The following NRG1 variants were observed in gnomAD, a reference collection of about 807,000 sequenced individuals.
NRG1 encodes the protein pro-neuregulin-1, membrane-bound isoform.
In NRG1, 18 loss-of-function variants were observed where a neutral mutation model predicts 63.8. The observed-to-expected ratio is 0.28, with a 90% confidence interval of 0.19 to 0.42. The LOEUF (loss-of-function observed/expected upper bound fraction) is 0.42. Among genes scored for constraint, NRG1 ranks in the 10% least tolerant of loss-of-function variants. The pLI, the probability that NRG1 is intolerant of heterozygous loss-of-function variation, is 1.00. For synonymous variants in NRG1, 302 were observed against 301.3 expected (o/e 1.00, Z -0.02); for missense variants, 762 against 814.7 (o/e 0.94, Z 0.79).
intron 1 of NRG1, among the ~76,000 whole-genome samples, chr8:32,291,004 T>C (rs932344675): frequency 6.6e-6 from 1 of 151,962 alleles, no homozygotes; most frequent in African/African-American, 2.4e-5. Context: ...AATGGTGTAG[T>C]TCCCGTATGA....
At chr8:32,396,187 A>AT (rs966954983) in intron 1 of NRG1, among the ~76,000 whole-genome samples, 38 of 151,812 alleles carry the variant, frequency 2.5e-4, no homozygotes, top group Non-Finnish European at 2.9e-4. Context: ...CTTTTTAGAC[A>AT]TTTTTTTTGG....
chr8:32,656,156 A>G (rs1295864047), intron 5 of NRG1, among the ~76,000 whole-genome samples: 1 of 152,152 alleles, frequency 6.6e-6, no homozygotes, highest in Non-Finnish European at 1.5e-5. Context: ...ATACATACAT[A>G]TAATTCATAC....
At chr8:32,132,096 A>G (rs1834903012) in intron 1 of NRG1, among the ~76,000 whole-genome samples, 1 of 152,068 alleles carries the variant, frequency 6.6e-6, no homozygotes, top group Non-Finnish European at 1.5e-5. Flanking sequence ...TAACAGGTCA[A>G]GGATTGCTTA....
chr8:32,502,260 C>A (rs1400621030), intron 1 of NRG1, among the ~76,000 whole-genome samples: 1 of 151,344 alleles, frequency 6.6e-6, no homozygotes, highest in Admixed American at 6.6e-5. Flanking sequence ...AGGTGCCACA[C>A]AATTTTAAAT....
chr8:32,417,614 C>T (rs1439857900), intron 1 of NRG1, among the ~76,000 whole-genome samples: 1 of 151,786 alleles, frequency 6.6e-6, no homozygotes, highest in Non-Finnish European at 1.5e-5. Context: ...ATACACTTCC[C>T]ACACACATCT....
At chr8:31,695,926 C>T (rs543005674) in intron 1 of NRG1, among the ~76,000 whole-genome samples, 10 of 152,270 alleles carry the variant, frequency 6.6e-5, no homozygotes, top group African/African-American at 2.2e-4. Flanking sequence ...AATTTATAGT[C>T]AGCATTTATC....
At chr8:32,011,216 T>C (rs1304852739) in intron 1 of NRG1, among the ~76,000 whole-genome samples, 4 of 152,084 alleles carry the variant, frequency 2.6e-5, no homozygotes, top group Non-Finnish European at 5.9e-5. Context: ...ACTTGTTTTC[T>C]TTTGCATATT....
At chr8:32,232,227 T>C (rs548134480) in intron 1 of NRG1, among the ~76,000 whole-genome samples, 2 of 152,192 alleles carry the variant, frequency 1.3e-5, no homozygotes, top group South Asian at 4.1e-4. Context: ...TTCAAAAACT[T>C]GATGATTCAA....
At chr8:32,466,347 T>C (rs544259539) in intron 1 of NRG1, among the ~76,000 whole-genome samples, 1 of 140,260 alleles carries the variant, frequency 7.1e-6, no homozygotes, top group African/African-American at 2.6e-5. Flanking sequence ...ATTTCACTGA[T>C]GACAATAAAT....
At chr8:31,718,796 T>A (rs763953034) in intron 1 of NRG1, among the ~76,000 whole-genome samples, 2 of 152,192 alleles carry the variant, frequency 1.3e-5, no homozygotes, top group African/African-American at 2.4e-5. Context: ...AGGAAAAATA[T>A]TTCTGCAATG....
intron 6 of NRG1, among the ~76,000 whole-genome samples, chr8:32,729,843 G>A (rs893720093): frequency 6.6e-6 from 1 of 152,176 alleles, no homozygotes; most frequent in African/African-American, 2.4e-5. Context: ...GGGCGTGTCT[G>A]TAGCGTGCCT....
rs185621122 is a variant in NRG1 at position 32,745,779 on chromosome 8, C to T, written c.691+3046C>T. Among the ~76,000 whole-genome samples the T allele has an allele frequency of 1.0e-3, 156 of 152,082 alleles. 1 individual carries two copies. The highest frequency in any genetic ancestry group is 3.3e-3 in the Admixed American group (51 of 15,246). Reference sequence around the variant, plus strand: ...GAGGAAAAAAGAAAAAGCACCCACACTTTCAATAGTTAGGGGCAGTACAGA... The same window carrying T: ...GAGGAAAAAAGAAAAAGCACCCACATTTTCAATAGTTAGGGGCAGTACAGA... On this transcript the variant is annotated intron_variant, in intron 7 of 11. Transcript: ENST00000356819.
intron 1 of NRG1, among the ~76,000 whole-genome samples, chr8:32,176,796 T>A (rs1345285142): frequency 6.6e-6 from 1 of 152,080 alleles, no homozygotes; most frequent in Non-Finnish European, 1.5e-5. Flanking sequence ...TCACACCAGT[T>A]AGAATGGCAA....
chr8:31,705,315 G>T (rs1186904401), intron 1 of NRG1, among the ~76,000 whole-genome samples: 1 of 152,010 alleles, frequency 6.6e-6, no homozygotes, highest in African/African-American at 2.4e-5. Context: ...CAAAGTGCTG[G>T]GATTACAGGC....
chr8:32,201,354 T>TGCC (rs1297713704), intron 1 of NRG1, among the ~76,000 whole-genome samples: 4 of 152,174 alleles, frequency 2.6e-5, no homozygotes, highest in African/African-American at 9.7e-5. Flanking sequence ...TCACAATAGG[T>TGCC]GCCGGACTCT....
At chr8:32,215,222 A>C (rs887769527) in intron 1 of NRG1, among the ~76,000 whole-genome samples, 3 of 152,236 alleles carry the variant, frequency 2.0e-5, no homozygotes, top group Non-Finnish European at 4.4e-5. Flanking sequence ...ACATTTTACC[A>C]ATCTTTTCTT....
At chr8:32,489,840 A>T (rs929978729) in intron 1 of NRG1, among the ~76,000 whole-genome samples, 1 of 152,194 alleles carries the variant, frequency 6.6e-6, no homozygotes, top group African/African-American at 2.4e-5. Context: ...AGGCTCTTCC[A>T]GAACATTGTA....
intron 5 of NRG1, among the ~76,000 whole-genome samples, chr8:32,712,634 T>G (rs1475834716): frequency 6.6e-6 from 1 of 152,166 alleles, no homozygotes; most frequent in Non-Finnish European, 1.5e-5. Flanking sequence ...AAATATTCAT[T>G]TTTACCTTAT....
chr8:32,542,573 T>C (rs1263612497), intron 1 of NRG1, among the ~76,000 whole-genome samples: 1 of 152,212 alleles, frequency 6.6e-6, no homozygotes, highest in East Asian at 1.9e-4. Context: ...AGTGTGGTGG[T>C]TGTGGGAAAA....
Sources: allele counts gnomAD v4.1 joint callset (sites outside exome capture counted in the v4.1 genomes callset), GRCh38; gene constraint gnomAD v4.1.1; transcripts MANE v1.5; gene names NCBI Gene and HGNC (gene_info 2026-07-23, HGNC 2026-07-21).